The following ENPP4 variants were observed in gnomAD, a reference collection of about 807,000 sequenced individuals.
ENPP4 encodes the protein bis(5'-adenosyl)-triphosphatase ENPP4.
Under a neutral mutation model 33.4 loss-of-function variants are expected in ENPP4, and 18 were observed. The observed-to-expected ratio is 0.54, with a 90% CI of 0.37 to 0.80. The LOEUF is 0.80. ENPP4 is among the 30% of genes least tolerant of loss of function. The pLI is 0.00. For missense variants in ENPP4, 480 were observed against 541.7 expected (o/e 0.89, Z 1.13); for synonymous variants, 172 against 189.9 (o/e 0.91, Z 0.78).
At chr6:46,137,889 T>A (rs1763997995) in intron 1 of ENPP4, among the ~76,000 whole-genome samples, 1 of 151,790 alleles carries the variant, frequency 6.6e-6, no homozygotes, top group African/African-American at 2.4e-5. Flanking sequence ...ACAGCCTCTG[T>A]CAGTATTTGA....
intron 1 of ENPP4, among the ~76,000 whole-genome samples, chr6:46,136,355 T>G (rs990903383): frequency 2.0e-5 from 3 of 152,036 alleles, no homozygotes; most frequent in African/African-American, 7.2e-5. Context: ...GAATGATTTT[T>G]TACAAAATGA....
At chr6:46,130,850 A>G (rs1763884306) in intron 1 of ENPP4, among the ~76,000 whole-genome samples, 1 of 152,200 alleles carries the variant, frequency 6.6e-6, no homozygotes, top group African/African-American at 2.4e-5. Context: ...AGATTGTACA[A>G]CTAGTGACAG....
At chr6:46,135,204 A>G (rs1178863650) in intron 1 of ENPP4, among the ~76,000 whole-genome samples, 1 of 152,112 alleles carries the variant, frequency 6.6e-6, no homozygotes, top group Non-Finnish European at 1.5e-5. Flanking sequence ...ACCTAATAGT[A>G]GAATTGCTGG....
chr6:46,137,920 C>T (rs1477191679), intron 1 of ENPP4, among the ~76,000 whole-genome samples: 1 of 142,564 alleles, frequency 7.0e-6, no homozygotes, highest in Non-Finnish European at 1.6e-5. Flanking sequence ...GCAGATCCTC[C>T]AGGTGGCATG....
chr6:46,146,058 C>T lies in ENPP4; in HGVS notation c.*2418C>T, dbSNP rs1489095033. On this transcript the variant is annotated 3_prime_UTR_variant, in exon 4 of 4. Coordinates refer to ENST00000321037, the MANE Select transcript of ENPP4 (RefSeq NM_014936.5). ...TTTTCTGGGTGTAGAAAGTATTTGG[C>T]TCTAGGAAACATTTACTTGTTTGTG... 3 of 151,646 alleles carry T rather than the reference C, an allele frequency of 2.0e-5. No individual in the cohort carries two copies. Among genetic ancestry groups the T allele is most frequent in the Admixed American group, 2.0e-4 (3 of 15,192 alleles). 9.4% of individuals were successfully genotyped at this position (151,646 alleles called of 1,614,324 possible). A position where few individuals can be genotyped will look rare whatever the true frequency, so the allele number is the denominator to read the frequency against.
chr6:46,131,137 C>G (rs1763889085), intron 1 of ENPP4, among the ~76,000 whole-genome samples: 1 of 151,700 alleles, frequency 6.6e-6, no homozygotes, highest in Non-Finnish European at 1.5e-5. Flanking sequence ...TTTATGGTCT[C>G]AGGTCTTAGA....
intron 2 of ENPP4, 118 bp from the exon 3 acceptor site, chr6:46,140,934 T>A: frequency 1.6e-6 from 1 of 635,938 alleles, no homozygotes; most frequent in Non-Finnish European, 2.6e-6. Context: ...TCTGTTTTTT[T>A]AAGAAGTGAT....
rs1449124431 is a variant in ENPP4, at chr6:46,144,775, A to T, written c.*1135A>T. On this transcript the variant is annotated 3_prime_UTR_variant, in exon 4 of 4. Transcript: ENST00000321037. The stretch of plus-strand genomic sequence containing the variant: ...TTTTAGGCTATAGAATAGTTAAGAA[A>T]TTTTAAACAAAATTTAGTATCTTTT... 4 of 386,142 alleles carry T rather than the reference A, an allele frequency of 1.0e-5. No homozygotes were observed. The highest frequency in any genetic ancestry group is 2.1e-5 in the African/African-American group (1 of 48,198). The allele number at this position is 386,142 out of a possible 1,614,324, so 23.9% of individuals were successfully genotyped here. A position where few individuals can be genotyped will look rare whatever the true frequency, so the allele number is the denominator to read the frequency against.
At chr6:46,142,374 A>G (rs188336241) in intron 3 of ENPP4, among the ~76,000 whole-genome samples, 179 of 145,434 alleles carry the variant, frequency 1.2e-3, no homozygotes, top group African/African-American at 4.3e-3. Context: ...TATATAATGT[A>G]TATTATATAT....
At position 46,139,949 on chromosome 6, in the gene ENPP4, C is replaced by G. The variant is rs536513238; in HGVS notation, c.366C>G (p.Thr122=). 7.4e-6 allele frequency: 12 copies of G among 1,612,772 alleles called. No homozygotes were observed. In the South Asian group the frequency reaches 9.9e-5, roughly 13 times the overall value. ...ATGAGGCAGTACCTATTTGGGTGAC[C>G]AATCAGCTTCAGGAAAACAGATCAA... ...WWNEAVPIWV[T]NQLQENRSSA... The change falls in exon 2 of 4, where the codon ACC becomes ACG. Residue 122 remains threonine, a synonymous_variant. Transcript: ENST00000321037.
At position 46,143,620 on chromosome 6, in the gene ENPP4, G is replaced by A. The variant is rs141318087; in HGVS notation, c.1342G>A (p.Asp448Asn). 4.3e-6 allele frequency: 7 copies of A among 1,610,436 alleles called. No individual in the cohort carries two copies. The African/African-American group carries it at 6.7e-5, about 15-fold the overall frequency. ...TCGACTTCAGCTACAAGAAGATGAT[G>A]ATGATCCTTTAATTGGGTGACATGT... The part of the protein sequence containing the change: ...FSRLQLQEDD[D>N]DPLIG Residue 448 changes from aspartate to asparagine, a missense_variant, in exon 4 of 4, where the codon GAT (aspartate) becomes AAT (asparagine). By Grantham distance (23) the Asp-to-Asn change is conservative. Coordinates refer to ENST00000321037, the MANE Select transcript of ENPP4 (RefSeq NM_014936.5).
chr6:46,133,071 A>G (rs1427354356), intron 1 of ENPP4, among the ~76,000 whole-genome samples: 1 of 152,192 alleles, frequency 6.6e-6, no homozygotes, highest in African/African-American at 2.4e-5. Context: ...GGGGTTTTCT[A>G]GATATACAAT....
rs866317961 is a variant in ENPP4 at position 46,139,784 on chromosome 6, C to T, written c.201C>T (p.Ile67=). 6.2e-7 allele frequency: 1 copy of T among 1,611,630 alleles called. No individual in the cohort carries two copies. Among genetic ancestry groups the T allele is most frequent in the Non-Finnish European group, 8.5e-7 (1 of 1,178,456 alleles). The change falls in exon 2 of 4, where the codon ATC becomes ATT. Residue 67 remains isoleucine, a synonymous_variant. Coordinates refer to ENST00000321037, the MANE Select transcript of ENPP4 (RefSeq NM_014936.5). ...VLVEHVKNVF[I]TKTFPNHYSI... Reference sequence around the variant, plus strand: ...TAGAGCATGTTAAAAATGTTTTTATCACAAAAACATTTCCAAACCACTACA... The same window carrying T: ...TAGAGCATGTTAAAAATGTTTTTATTACAAAAACATTTCCAAACCACTACA...
intron 1 of ENPP4, among the ~76,000 whole-genome samples, chr6:46,136,614 G>A (rs575504621): frequency 1.3e-5 from 2 of 152,078 alleles, no homozygotes; most frequent in South Asian, 4.1e-4. Context: ...TATTGGAGGG[G>A]CTTCAATGTG....
chr6:46,143,776 T>G lies in ENPP4; in HGVS notation c.*136T>G, dbSNP rs1221622098. 1 of 915,424 alleles carries G rather than the reference T, an allele frequency of 1.1e-6. No individual in the cohort carries two copies. The allele number at this position is 915,424 out of a possible 1,614,324, so 56.7% of individuals were successfully genotyped here. ...AGACTAAGCATGTTAAAATTATTAC[T>G]TTGTTTTCCTTGTGTTTTGTTTCGG... On this transcript the variant is annotated 3_prime_UTR_variant, in exon 4 of 4. Coordinates refer to ENST00000321037, the MANE Select transcript of ENPP4 (RefSeq NM_014936.5).
chr6:46,134,168 A>G (rs1763943195), intron 1 of ENPP4, among the ~76,000 whole-genome samples: 1 of 152,118 alleles, frequency 6.6e-6, no homozygotes, highest in Non-Finnish European at 1.5e-5. Context: ...CTTTGTAACT[A>G]GAATGATAAA....
intron 1 of ENPP4, among the ~76,000 whole-genome samples, chr6:46,131,307 C>A (rs927598699): frequency 2.0e-5 from 3 of 151,908 alleles, no homozygotes. Flanking sequence ...CATCCCTCCC[C>A]CTTCCCCCCA....
Position 46,139,164 on chromosome 6 carries a change from ATCATC to A in ENPP4, c.-33-384_-33-380del, listed in dbSNP as rs539731320. ...AATTTATTAAACTGGAAAAATAATC[ATCATC>A]TCTGGAGCCTCTGAAAGCTTGGCAT... On this transcript the variant is annotated intron_variant, in intron 1 of 3. Transcript: ENST00000321037. 9.2e-5 allele frequency among the ~76,000 whole-genome samples: 14 copies of A among 151,950 alleles called. No homozygotes were observed. In the South Asian group the frequency reaches 2.9e-3, roughly 31 times the overall value.
chr6:46,139,160 AATC>A (rs1175801757), intron 1 of ENPP4, among the ~76,000 whole-genome samples: 6 of 151,848 alleles, frequency 4.0e-5, no homozygotes, highest in Non-Finnish European at 7.4e-5. Flanking sequence ...CTGGAAAAAT[AATC>A]ATCATCTCTG....
Sources: gnomAD v4.1 joint callset for allele counts (sites outside exome capture counted in the v4.1 genomes callset) on GRCh38, gnomAD v4.1.1 for gene constraint, MANE v1.5 for transcripts, NCBI Gene and HGNC (gene_info 2026-07-23, HGNC 2026-07-21) for gene names.